TRPC4AP: variants seen among roughly 807,000 people sequenced by gnomAD.
The protein encoded by TRPC4AP is transient receptor potential cation channel subfamily C member 4 associated protein.
In TRPC4AP, 45 loss-of-function variants were observed where a neutral mutation model predicts 99.0. The observed-to-expected ratio is 0.45, with a 90% CI of 0.36 to 0.58. TRPC4AP has a LOEUF of 0.58. Among genes scored for constraint, TRPC4AP ranks in the 20% least tolerant of loss-of-function variants. The pLI is 0.00. For synonymous variants in TRPC4AP, 408 were observed against 385.8 expected (o/e 1.06, Z -0.67); for missense variants, 879 against 985.3 (o/e 0.89, Z 1.44).
rs116986414 is a variant in TRPC4AP at position 35,055,974 on chromosome 20, T to G, written c.473-943A>C. Among the ~76,000 whole-genome samples the G allele has an allele frequency of 2.0e-3, 307 of 152,344 alleles. 8 individuals carry two copies. In the East Asian group the frequency reaches 0.041, roughly 20 times the overall value. ...ATGAACCATGGACAAAGTGCTTTAT[T>G]TGGCACTTGCTTCTATTTTTTAAAA... is the stretch of plus-strand genomic sequence containing the variant. On this transcript the variant is annotated intron_variant, in intron 4 of 18. Coordinates refer to ENST00000252015, the MANE Select transcript of TRPC4AP (RefSeq NM_015638.3).
intron 9 of TRPC4AP, 87 bp from the exon 10 acceptor site, chr20:35,016,226 T>A: frequency 6.0e-6 from 9 of 1,505,718 alleles, no homozygotes; most frequent in Non-Finnish European, 8.3e-6. Context: ...ACGATAATGA[T>A]ATTCAGGACA....
At chr20:35,057,650 G>T in intron 3 of TRPC4AP, 79 bp from the exon 4 acceptor site, 1 of 1,179,396 alleles carries the variant, frequency 8.5e-7, no homozygotes, top group Non-Finnish European at 1.2e-6. Flanking sequence ...AACCATTCAT[G>T]GCCCATGTAT....
intron 1 of TRPC4AP, among the ~76,000 whole-genome samples, chr20:35,085,291 T>C (rs561994985): frequency 6.6e-6 from 1 of 152,306 alleles, no homozygotes; most frequent in African/African-American, 2.4e-5. Context: ...TTATACATTG[T>C]CTTACAAGGC....
chr20:35,013,107 C>A, intron 10 of TRPC4AP, 41 bp from the exon 11 acceptor site: 1 of 1,605,168 alleles, frequency 6.2e-7, no homozygotes, highest in Non-Finnish European at 8.5e-7. Context: ...ACCACAGCCA[C>A]AAGGTTCCAA....
intron 2 of TRPC4AP, among the ~76,000 whole-genome samples, chr20:35,072,593 G>A (rs146806038): frequency 6.6e-6 from 1 of 152,268 alleles, no homozygotes; most frequent in East Asian, 1.9e-4. Flanking sequence ...GACAGTTGTA[G>A]ATATGCGGCA....
chr20:35,078,166 C>G lies in TRPC4AP; in HGVS notation c.177G>C (p.Glu59Asp), dbSNP rs139800499. 2 of 1,613,276 alleles carry G rather than the reference C, an allele frequency of 1.2e-6. No homozygotes were observed. Among genetic ancestry groups the G allele is most frequent in the Non-Finnish European group, 1.7e-6 (2 of 1,179,480 alleles). Residue 59 changes from glutamate (E) to aspartate (D), a missense_variant, in exon 2 of 19, where the codon GAG (glutamate) becomes GAC (aspartate). Coordinates refer to ENST00000252015, the MANE Select transcript of TRPC4AP (RefSeq NM_015638.3). ...GTTTGTCCCTCTCCGTCAAAAAAGT[C>G]TCAGTGAACTGTGAGTCAAAAAAAG... The part of the protein sequence containing the change: ...RGLVRAVQFT[E>D]TFLTERDKQS...
intron 1 of TRPC4AP, among the ~76,000 whole-genome samples, chr20:35,087,689 T>G (rs1157892013): frequency 1.3e-5 from 2 of 152,186 alleles, no homozygotes; most frequent in Non-Finnish European, 2.9e-5. Context: ...AAGCAAAGGA[T>G]TTATAAGATC....
At chr20:35,059,517 G>A (rs2083923563) in intron 3 of TRPC4AP, among the ~76,000 whole-genome samples, 1 of 152,086 alleles carries the variant, frequency 6.6e-6, no homozygotes, top group Non-Finnish European at 1.5e-5. Flanking sequence ...TAAATTAGCT[G>A]GGCGTGGTGG....
intron 3 of TRPC4AP, among the ~76,000 whole-genome samples, chr20:35,058,670 T>C (rs971415593): frequency 6.7e-6 from 1 of 148,720 alleles, no homozygotes; most frequent in Admixed American, 6.9e-5. Flanking sequence ...TGTAAATGCC[T>C]ATATTAAAAG....
At chr20:35,057,594 T>C (rs987952620) in intron 3 of TRPC4AP, 23 bp from the exon 4 acceptor site, 13 of 1,570,194 alleles carry the variant, frequency 8.3e-6, no homozygotes, top group Admixed American at 5.1e-5. Context: ...TTAGATAAAA[T>C]CTTCAAAATT....
At chr20:35,090,437 C>T (rs534462603) in intron 1 of TRPC4AP, among the ~76,000 whole-genome samples, 3 of 132,630 alleles carry the variant, frequency 2.3e-5, no homozygotes, top group Admixed American at 9.4e-5. Context: ...AGTGCAGTGG[C>T]GTGATCTCAG....
At position 35,080,930 on chromosome 20, in the gene TRPC4AP, A is replaced by G. The variant is rs1315212617; in HGVS notation, c.169-2756T>C. Among the ~76,000 whole-genome samples the G allele has an allele frequency of 3.9e-5, 6 of 152,304 alleles. No individual in the cohort carries two copies. The East Asian group carries it at 1.2e-3, about 29-fold the overall frequency. On this transcript the variant is annotated intron_variant, in intron 1 of 18. Coordinates refer to ENST00000252015, the MANE Select transcript of TRPC4AP (RefSeq NM_015638.3). ...ATAAAAACTAAATAAATAAATGAAC[A>G]TAAGTGAACTTTTTAGGATGACAAT...
At chr20:35,003,313 C>A (rs376209935) in intron 18 of TRPC4AP, 30 bp from the exon 19 acceptor site, 1 of 1,613,738 alleles carries the variant, frequency 6.2e-7, no homozygotes, top group Non-Finnish European at 8.5e-7. Context: ...CTGGGGGGCG[C>A]CTGGAGGACC....
chr20:35,022,330 A>AT (rs1202339145), intron 8 of TRPC4AP, among the ~76,000 whole-genome samples: 2 of 152,058 alleles, frequency 1.3e-5, no homozygotes, highest in Non-Finnish European at 2.9e-5. Context: ...TAATTTTTCT[A>AT]TTTTTAGTAG....
intron 8 of TRPC4AP, among the ~76,000 whole-genome samples, chr20:35,031,930 C>T (rs756657609): frequency 1.1e-4 from 16 of 152,148 alleles, no homozygotes; most frequent in Non-Finnish European, 2.2e-4. Flanking sequence ...CTCACTTTGT[C>T]ACCCAGGCGC....
At chr20:35,005,859 G>A (rs2082504662) in intron 15 of TRPC4AP, 56 bp from the exon 16 acceptor site, 2 of 1,508,278 alleles carry the variant, frequency 1.3e-6, no homozygotes, top group Admixed American at 1.7e-5. Flanking sequence ...GTATGGCCAT[G>A]GCCCGGGGGG....
intron 3 of TRPC4AP, among the ~76,000 whole-genome samples, chr20:35,059,820 C>T (rs62213710): frequency 1.4e-5 from 2 of 147,470 alleles, no homozygotes; most frequent in East Asian, 2.0e-4. Context: ...AAGATGAAGA[C>T]GAAGAAGATG....
Position 35,013,000 on chromosome 20 carries a change from G to A in TRPC4AP, c.1409+8C>T, listed in dbSNP as rs745897264. On this transcript the variant is annotated splice_region_variant and intron_variant, in intron 11 of 18. Transcript: ENST00000252015. ...CAACTCTCCTTGCAGGGACACTCTT[G>A]TACTTACTCGTGGTGGTCACTGAAG... is the stretch of plus-strand genomic sequence containing the variant. 6.8e-6 allele frequency: 11 copies of A among 1,613,930 alleles called. No homozygotes were observed. The South Asian group carries it at 1.2e-4, about 18-fold the overall frequency.
chr20:35,002,801 C>T lies in TRPC4AP; in HGVS notation c.*345G>A, dbSNP rs1235266232. ...GGGGGTGGGGGTCACCCATATCTTC[C>T]TCCCCACTCTGGGACTGACTGACAG... is the stretch of plus-strand genomic sequence containing the variant. On this transcript the variant is annotated 3_prime_UTR_variant, in exon 19 of 19. Coordinates refer to ENST00000252015, the MANE Select transcript of TRPC4AP (RefSeq NM_015638.3). The T allele has an allele frequency of 4.5e-6, 1 of 221,118 alleles. No homozygotes were observed. 13.7% of individuals were successfully genotyped at this position (221,118 alleles called of 1,614,324 possible).
Sources: allele counts gnomAD v4.1 joint callset (sites outside exome capture counted in the v4.1 genomes callset), GRCh38; gene constraint gnomAD v4.1.1; transcripts MANE v1.5; gene names NCBI Gene and HGNC (gene_info 2026-07-23, HGNC 2026-07-21).